Variants in SYT12 observed in about 807,000 individuals in gnomAD.
The protein encoded by SYT12 is synaptotagmin-12.
A neutral mutation model predicts 39.5 loss-of-function variants in SYT12; 27 were observed. The ratio of observed to expected loss-of-function variants is 0.68; its 90% confidence interval spans 0.50 to 0.94. The LOEUF is 0.94. Ranked by LOEUF, SYT12 falls within the 40% of genes least tolerant of loss-of-function variation. The probability of loss-of-function intolerance (pLI) is 0.00; values close to 1 mark genes in which losing one functional copy is unlikely to be tolerated. For synonymous variants in SYT12, 233 were observed against 239.7 expected (o/e 0.97, Z 0.26); for missense variants, 536 against 572.6 (o/e 0.94, Z 0.65).
intron 3 of SYT12, among the ~76,000 whole-genome samples, chr11:67,011,832 C>T (rs755242821): frequency 3.3e-5 from 5 of 151,900 alleles, no homozygotes; most frequent in Non-Finnish European, 5.9e-5. Context: ...GTGGCACAAT[C>T]TCGGCTCACT....
At chr11:67,020,746 T>G (rs1053247069), upstream of SYT12, among the ~76,000 whole-genome samples, 2 of 152,214 alleles carry the variant, frequency 1.3e-5, no homozygotes, top group African/African-American at 2.4e-5. Flanking sequence ...CCCACCATTT[T>G]TTTTTAGACG....
chr11:67,045,279 G>A (rs1466375352), intron 6 of SYT12, among the ~76,000 whole-genome samples: 16 of 151,940 alleles, frequency 1.1e-4, no homozygotes, highest in Admixed American at 3.3e-4. Flanking sequence ...CAAGCCTTGG[G>A]GCGGGGGTAG....
At position 67,048,796 on chromosome 11, in the gene SYT12, G is replaced by T; in HGVS notation, c.*39G>T. On this transcript the variant is annotated 3_prime_UTR_variant, in exon 8 of 8. Coordinates refer to ENST00000527043, the MANE Select transcript of SYT12 (RefSeq NM_177963.4). ...CCAGTTGGGCAATGGAGCTGCTGGA[G>T]CCCGGTACCCACTCAGCTCTGTCTG... 5 of 1,575,212 alleles carry T rather than the reference G, an allele frequency of 3.2e-6. No homozygotes were observed. The highest frequency in any genetic ancestry group is 4.3e-6 in the Non-Finnish European group (5 of 1,155,684).
intron 3 of SYT12, among the ~76,000 whole-genome samples, chr11:67,011,828 C>T (rs1218332415): frequency 6.6e-6 from 1 of 151,828 alleles, no homozygotes; most frequent in Admixed American, 6.6e-5. Context: ...TGCAGTGGCA[C>T]AATCTCGGCT....
upstream of SYT12, among the ~76,000 whole-genome samples, chr11:67,018,247 G>A (rs1950074711): frequency 6.6e-6 from 1 of 151,410 alleles, no homozygotes; most frequent in Non-Finnish European, 1.5e-5. Context: ...TGGGGGACAA[G>A]AGCGAAACTC....
chr11:67,015,090 G>A (rs1327077415), intron 3 of SYT12, among the ~76,000 whole-genome samples: 5 of 152,070 alleles, frequency 3.3e-5, no homozygotes, highest in Admixed American at 6.6e-5. Context: ...CACCCAATTC[G>A]GTCTCTCTGG....
chr11:67,013,590 C>T (rs947450108), intron 3 of SYT12, among the ~76,000 whole-genome samples: 2 of 152,186 alleles, frequency 1.3e-5, no homozygotes, highest in African/African-American at 4.8e-5. Flanking sequence ...AGCCCCCTCC[C>T]TGGGCCAGGA....
chr11:67,043,809 C>G lies in SYT12; in HGVS notation c.793C>G (p.Leu265Val). The G allele has an allele frequency of 6.2e-7, 1 of 1,614,134 alleles. No individual in the cohort carries two copies. Among genetic ancestry groups the G allele is most frequent in the South Asian group, 1.1e-5 (1 of 91,080 alleles). ...GAAGCTTTCTGTGCTTGACCTCCCG[C>G]TGCAGCCCTTCAGTGGCTGGCTCTA... ...ELKLSVLDLP[L>V]QPFSGWLYLQ... is the part of the protein sequence containing the mutation. The change falls in exon 5 of 8, where the codon CTG (leucine) becomes GTG (valine). Residue 265 changes from leucine (L) to valine (V), a missense_variant. By Grantham distance (32) the Leu-to-Val change is conservative. Transcript: ENST00000527043.
intron 2 of SYT12, among the ~76,000 whole-genome samples, chr11:67,033,400 G>A (rs1048750756): frequency 2.0e-5 from 3 of 152,174 alleles, no homozygotes; most frequent in Non-Finnish European, 2.9e-5. Context: ...TTGGCCTGGG[G>A]CTGACTCAAC....
intron 4 of SYT12, among the ~76,000 whole-genome samples, chr11:67,043,198 G>T (rs1293524772): frequency 6.6e-6 from 1 of 152,200 alleles, no homozygotes; most frequent in Non-Finnish European, 1.5e-5. Flanking sequence ...CACCCATCCA[G>T]CCTACGGTGT....
Position 67,043,675 on chromosome 11 carries a change from A to C in SYT12, c.659A>C (p.Lys220Thr), listed in dbSNP as rs1023023728. The change falls in exon 5 of 8, where the codon AAG (lysine) becomes ACG (threonine). Residue 220 changes from lysine to threonine, a missense_variant. By Grantham distance (78) the Lys-to-Thr change is moderately conservative. Coordinates refer to ENST00000527043, the MANE Select transcript of SYT12 (RefSeq NM_177963.4). ...GCCTACTCCATCTTCTTTGATGAGA[A>C]GTTCTCCATCCCCCTGGATCCCACA... is the stretch of plus-strand genomic sequence containing the variant. ...RNAYSIFFDE[K>T]FSIPLDPTAL... is the part of the protein sequence containing the mutation. 6.2e-7 allele frequency: 1 copy of C among 1,614,142 alleles called. No individual in the cohort carries two copies. The highest frequency in any genetic ancestry group is 8.5e-7 in the Non-Finnish European group (1 of 1,180,042).
intron 5 of SYT12, 116 bp downstream of exon 5, chr11:67,043,969 G>C: frequency 9.8e-7 from 1 of 1,017,304 alleles, no homozygotes; most frequent in South Asian, 1.5e-5. Context: ...ATCATCATTA[G>C]GAGAGCAGAG....
upstream of SYT12, among the ~76,000 whole-genome samples, chr11:67,021,050 T>G (rs1411142337): frequency 6.6e-6 from 1 of 152,162 alleles, no homozygotes; most frequent in Non-Finnish European, 1.5e-5. Flanking sequence ...CATTAGTGGT[T>G]GTAGTTTTGC....
intron 2 of SYT12, among the ~76,000 whole-genome samples, chr11:67,033,633 C>A (rs1288327192): frequency 6.6e-6 from 1 of 152,220 alleles, no homozygotes; most frequent in Non-Finnish European, 1.5e-5. Context: ...GGCTCTGTGA[C>A]CTTGGGCAAG....
Position 67,028,166 on chromosome 11 carries a change from C to T in SYT12, c.-23-1956C>T, listed in dbSNP as rs540652600. On this transcript the variant is annotated intron_variant, in intron 1 of 7. Coordinates refer to ENST00000527043, the MANE Select transcript of SYT12 (RefSeq NM_177963.4). Reference sequence around the variant, plus strand: ...AAACCAGAGATAATAATAGTACCTACCTCATGGGGCTGTTAGGCAAATTAA... The same window carrying T: ...AAACCAGAGATAATAATAGTACCTATCTCATGGGGCTGTTAGGCAAATTAA... 8.5e-5 allele frequency: 13 copies of T among 152,324 alleles called. No individual in the cohort carries two copies. The South Asian group carries it at 2.5e-3, about 29-fold the overall frequency. 9.4% of individuals were successfully genotyped at this position (152,324 alleles called of 1,614,324 possible).
intron 3 of SYT12, among the ~76,000 whole-genome samples, chr11:67,017,668 A>G (rs1183053360): frequency 6.6e-6 from 1 of 151,276 alleles, no homozygotes; most frequent in African/African-American, 2.4e-5. Flanking sequence ...CCACAACAAA[A>G]AATTTTAAAG....
At chr11:67,035,805 C>CCTTCCTT in intron 3 of SYT12, among the ~76,000 whole-genome samples, 1 of 59,580 alleles carries the variant, frequency 1.7e-5, no homozygotes. Context: ...TTCCTTCCTT[C>CCTTCCTT]CTTCCTTCCT....
intron 3 of SYT12, among the ~76,000 whole-genome samples, chr11:67,015,866 A>G (rs1273344908): frequency 1.3e-5 from 2 of 152,142 alleles, no homozygotes; most frequent in Non-Finnish European, 2.9e-5. Flanking sequence ...GCTGGGAAGG[A>G]GGACTCTGGA....
chr11:67,029,103 G>A (rs117404569), intron 1 of SYT12: 1 of 152,320 alleles, frequency 6.6e-6, no homozygotes, highest in Non-Finnish European at 1.5e-5. Flanking sequence ...ACACATCTGT[G>A]AGCCAGATTT....
Sources: allele counts gnomAD v4.1 joint callset (sites outside exome capture counted in the v4.1 genomes callset), GRCh38; gene constraint gnomAD v4.1.1; transcripts MANE v1.5; gene names NCBI Gene and HGNC (gene_info 2026-07-23, HGNC 2026-07-21).